The following PHLDA3 variants were observed in gnomAD, a reference collection of about 807,000 sequenced individuals.
PHLDA3 encodes the protein pleckstrin homology like domain family A member 3, also known as pleckstrin homology-like domain family A member 3.
Under a neutral mutation model 7.6 loss-of-function variants are expected in PHLDA3, and 12 were observed. The observed-to-expected ratio is 1.58, with a 90% CI of 1.01 to 2.55. PHLDA3 has a LOEUF of 2.55. Among genes scored for constraint, PHLDA3 ranks in the 30% most tolerant of loss-of-function variants. The pLI, the probability that PHLDA3 is intolerant of heterozygous loss-of-function variation, is 0.00. For missense variants in PHLDA3, 177 were observed against 175.6 expected, an observed-to-expected ratio of 1.01 and a Z score of -0.05; for synonymous variants, 104 against 85.1, an observed-to-expected ratio of 1.22 and a Z score of -1.23.
rs115541153 is a variant in PHLDA3, at chr1:201,468,609, C to A, written c.178G>T (p.Ala60Ser). 2.0e-4 allele frequency: 322 copies of A among 1,613,770 alleles called. No homozygotes were observed. The African/African-American group carries it at 3.6e-3, about 18-fold the overall frequency. Reference sequence around the variant, plus strand: ...CCGGTGCTCTCCACGCACTCCACGGCCTTGATGCGGGCGAAGCTGAGCTCC... The same window carrying A: ...CCGGTGCTCTCCACGCACTCCACGGACTTGATGCGGGCGAAGCTGAGCTCC... ...PKELSFARIK[A>S]VECVESTGRH... The change falls in exon 1 of 2, where the codon GCC becomes TCC. Residue 60 changes from alanine (A) to serine (S), a missense_variant. Coordinates refer to ENST00000367311, the MANE Select transcript of PHLDA3 (RefSeq NM_012396.5).
Position 201,468,838 on chromosome 1 carries a change from C to T in PHLDA3, c.-52G>A. The T allele has an allele frequency of 6.9e-7, 1 of 1,458,444 alleles. No homozygotes were observed. Among genetic ancestry groups the T allele is most frequent in the South Asian group, 1.4e-5 (1 of 71,794 alleles). 90.3% of individuals were successfully genotyped at this position (1,458,444 alleles called of 1,614,324 possible). On this transcript the variant is annotated 5_prime_UTR_variant, in exon 1 of 2. Transcript: ENST00000367311. ...CCAGGCTGCGGCGGGCGCGGCGCCCCTCTCGGCCCCGCAGCGCAGGATTCT... is the reference window on the plus strand; with the variant it reads ...CCAGGCTGCGGCGGGCGCGGCGCCCTTCTCGGCCCCGCAGCGCAGGATTCT...
chr1:201,468,437 C>G lies in PHLDA3; in HGVS notation c.350G>C (p.Arg117Pro). The G allele has an allele frequency of 6.2e-7, 1 of 1,614,036 alleles. No homozygotes were observed. Among genetic ancestry groups the G allele is most frequent in the Non-Finnish European group, 8.5e-7 (1 of 1,179,948 alleles). The change falls in exon 1 of 2, where the codon CGG (arginine) becomes CCG (proline). Residue 117 changes from arginine to proline, a missense_variant. Arg to Pro is a moderately radical substitution (Grantham distance 103). Transcript: ENST00000367311. ...NQQAIQTVRARQSLGTGTLVS is the reference protein window; with the variant it reads ...NQQAIQTVRAPQSLGTGTLVS Reference sequence around the variant, plus strand: ...GAGGGTCCCGGTCCCGAGGCTCTGCCGGGCCCGCACTGTCTGGATGGCCTG... The same window carrying G: ...GAGGGTCCCGGTCCCGAGGCTCTGCGGGGCCCGCACTGTCTGGATGGCCTG...
At chr1:201,466,891 C>A (rs1448999995) in intron 1 of PHLDA3, among the ~76,000 whole-genome samples, 1 of 151,180 alleles carries the variant, frequency 6.6e-6, no homozygotes, top group Non-Finnish European at 1.5e-5. Flanking sequence ...GCCTGACTGG[C>A]ACTCAGGGGC....
intron 1 of PHLDA3, among the ~76,000 whole-genome samples, chr1:201,467,091 G>A (rs892572266): frequency 1.3e-5 from 2 of 152,056 alleles, no homozygotes; most frequent in Admixed American, 1.3e-4. Flanking sequence ...TGGGCAGATT[G>A]CTTGAGCTCA....
At chr1:201,467,577 C>G (rs1261042412) in intron 1 of PHLDA3, 1 of 153,364 alleles carries the variant, frequency 6.5e-6, no homozygotes, top group Admixed American at 6.5e-5. Flanking sequence ...CACGACTGTA[C>G]TCCAGCCTGG....
Position 201,468,873 on chromosome 1 carries a change from G to A in PHLDA3, c.-87C>T. On this transcript the variant is annotated 5_prime_UTR_variant, in exon 1 of 2. Coordinates refer to ENST00000367311, the MANE Select transcript of PHLDA3 (RefSeq NM_012396.5). The stretch of plus-strand genomic sequence containing the variant: ...CGCAGCGCAGGATTCTGGCGCCCCG[G>A]GCTGGCAGGCCGTGCGCGCTGCCCA... 2.2e-6 allele frequency: 3 copies of A among 1,348,328 alleles called. No homozygotes were observed. Among genetic ancestry groups the A allele is most frequent in the Non-Finnish European group, 9.5e-7 (1 of 1,049,858 alleles). 83.5% of individuals were successfully genotyped at this position (1,348,328 alleles called of 1,614,324 possible). A position where few individuals can be genotyped will look rare whatever the true frequency, so the allele number is the denominator to read the frequency against.
Position 201,468,509 on chromosome 1 carries a change from C to T in PHLDA3, c.278G>A (p.Gly93Asp). 1 of 1,614,196 alleles carries T rather than the reference C, an allele frequency of 6.2e-7. No individual in the cohort carries two copies. The highest frequency in any genetic ancestry group is 8.5e-7 in the Non-Finnish European group (1 of 1,180,036). The change falls in exon 1 of 2, where the codon GGC (glycine) becomes GAC (aspartate). Residue 93 changes from glycine to aspartate, a missense_variant. Transcript: ENST00000367311. ...IDFRCPLEDPGWNAQITLGLV... is the reference protein window; with the variant it reads ...IDFRCPLEDPDWNAQITLGLV... ...GCCTAGGGTGATCTGGGCGTTCCAGCCGGGATCTTCCAGGGGGCAGCGGAA... is the reference window on the plus strand; with the variant it reads ...GCCTAGGGTGATCTGGGCGTTCCAGTCGGGATCTTCCAGGGGGCAGCGGAA...
chr1:201,468,773 G>C lies in PHLDA3; in HGVS notation c.14C>G (p.Ala5Gly), dbSNP rs905577582. MTAA[A>G]TATVLKEGVL... ...GCCCTCCTTGAGCACGGTAGCCGTC[G>C]CCGCCGCCGTCATGGGCGCCCCGAG... The change falls in exon 1 of 2, where the codon GCG becomes GGG. Residue 5 changes from alanine to glycine, a missense_variant. By Grantham distance (60) the Ala-to-Gly change is moderately conservative (BLOSUM62 0). Transcript: ENST00000367311. 2 of 1,559,492 alleles carry C rather than the reference G, an allele frequency of 1.3e-6. No homozygotes were observed. Among genetic ancestry groups the C allele is most frequent in the African/African-American group, 2.7e-5 (2 of 73,144 alleles).
chr1:201,468,254 G>T (rs1663722353), intron 1 of PHLDA3, 87 bp downstream of exon 1: 1 of 968,160 alleles, frequency 1.0e-6, no homozygotes, highest in Non-Finnish European at 1.5e-6. Flanking sequence ...GTCCGGCTCT[G>T]AAGTAGAATG....
In PHLDA3 at chr1:201,467,649, C is replaced by G. The variant is rs6693347; in HGVS notation, c.*62+692G>C. The stretch of plus-strand genomic sequence containing the variant: ...AACAACAACAAACCATACACACACA[C>G]ACACACACACACACACACACACACA... On this transcript the variant is annotated intron_variant, in intron 1 of 1. Coordinates refer to ENST00000367311, the MANE Select transcript of PHLDA3 (RefSeq NM_012396.5). The G allele has an allele frequency of 9.0e-3, 1,137 of 125,882 alleles. 18 individuals are homozygous for G. The highest frequency in any genetic ancestry group is 0.042 in the African/African-American group (1,066 of 25,496). The allele number at this position is 125,882 out of a possible 1,614,324, so 7.8% of individuals were successfully genotyped here. A position where few individuals can be genotyped will look rare whatever the true frequency, so the allele number is the denominator to read the frequency against.
chr1:201,466,154 C>T lies in PHLDA3; in HGVS notation c.*87G>A, dbSNP rs1156312218. 6.5e-6 allele frequency: 1 copy of T among 154,518 alleles called. No individual in the cohort carries two copies. Among genetic ancestry groups the T allele is most frequent in the Admixed American group, 6.5e-5 (1 of 15,290 alleles). The allele number at this position is 154,518 out of a possible 1,614,324, so 9.6% of individuals were successfully genotyped here. ...TGCCACATGGAGCACAGCCGTGCCC[C>T]CACAAGCCAGAGGGAACAACGAAGC... On this transcript the variant is annotated 3_prime_UTR_variant, in exon 2 of 2. Transcript: ENST00000367311.
rs201117567 is a variant in PHLDA3 at position 201,468,412 on chromosome 1, G to T, written c.375C>A (p.Leu125=). The stretch of plus-strand genomic sequence containing the variant: ...TGGTGCGCCCGGTGGTTTAGGACAC[G>T]AGGGTCCCGGTCCCGAGGCTCTGCC... ...RARQSLGTGT[L]VS The change falls in exon 1 of 2, where the codon CTC becomes CTA. Residue 125 remains leucine, a synonymous_variant. Transcript: ENST00000367311. 2.5e-6 allele frequency: 4 copies of T among 1,613,904 alleles called. No individual in the cohort carries two copies. The highest frequency in any genetic ancestry group is 3.4e-6 in the Non-Finnish European group (4 of 1,179,926).
At position 201,468,754 on chromosome 1, in the gene PHLDA3, CTT is replaced by C; in HGVS notation, c.31_32del (p.Lys11GlyfsTer215). The C allele has an allele frequency of 1.3e-6, 2 of 1,586,430 alleles. No homozygotes were observed. Among genetic ancestry groups the C allele is most frequent in the South Asian group, 2.2e-5 (2 of 89,410 alleles). On this transcript the variant is annotated frameshift_variant, in exon 1 of 2. Transcript: ENST00000367311. LOFTEE classifies it high-confidence loss of function. The part of the protein sequence containing the change: MTAAATATVL[K>X]EGVLEKRSGG... ...CGCTGCGCTTCTCCAGCACGCCCTC[CTT>C]GAGCACGGTAGCCGTCGCCGCCGCC... is the stretch of plus-strand genomic sequence containing the variant.
rs1446418677 is a variant in PHLDA3 at position 201,465,588 on chromosome 1, A to T, written c.*653T>A. On this transcript the variant is annotated 3_prime_UTR_variant, in exon 2 of 2. Transcript: ENST00000367311. ...CCTCACCCCCACCACCTTCAGGCCGAACACCGCAGTGGGGGGAAGATGCGT... is the reference window on the plus strand; with the variant it reads ...CCTCACCCCCACCACCTTCAGGCCGTACACCGCAGTGGGGGGAAGATGCGT... The T allele has an allele frequency of 6.4e-6, 1 of 155,064 alleles. No individual in the cohort carries two copies. Among genetic ancestry groups the T allele is most frequent in the African/African-American group, 2.4e-5 (1 of 41,536 alleles). 9.6% of individuals were successfully genotyped at this position (155,064 alleles called of 1,614,324 possible).
At chr1:201,466,397 T>C (rs1663667005) in intron 1 of PHLDA3, 1 of 152,142 alleles carries the variant, frequency 6.6e-6, no homozygotes, top group Non-Finnish European at 1.5e-5. Flanking sequence ...GTCTGCCTTA[T>C]ACCCCACTTC....
chr1:201,467,689 G>A (rs1663703320), intron 1 of PHLDA3: 1 of 144,870 alleles, frequency 6.9e-6, no homozygotes, highest in Non-Finnish European at 1.5e-5. Context: ...CACATATGTA[G>A]AGGAGGAGCT....
intron 1 of PHLDA3, chr1:201,467,639 TACACACAC>T (rs56225084): frequency 0.054 from 7,571 of 139,696 alleles, 194 homozygotes; most frequent in Middle Eastern, 0.072. Flanking sequence ...CAACAAACCA[TACACACAC>T]ACACACACAC....
Position 201,465,002 on chromosome 1 carries a change from G to A in PHLDA3, c.*1239C>T, listed in dbSNP as rs1485126922. On this transcript the variant is annotated 3_prime_UTR_variant, in exon 2 of 2. Coordinates refer to ENST00000367311, the MANE Select transcript of PHLDA3 (RefSeq NM_012396.5). ...CTAATTTTTGTTTTTAGTAGAGACA[G>A]GGTTTCACCAAGTTGGCCAGGCTGG... 6.6e-6 allele frequency: 1 copy of A among 152,136 alleles called. No homozygotes were observed. The highest frequency in any genetic ancestry group is 2.4e-5 in the African/African-American group (1 of 41,404). The allele number at this position is 152,136 out of a possible 1,614,324, so 9.4% of individuals were successfully genotyped here. A position where few individuals can be genotyped will look rare whatever the true frequency, so the allele number is the denominator to read the frequency against.
Position 201,468,771 on chromosome 1 carries a change from TCGCCGCCGCCGTCATGGGCGCCCCGAGG to T in PHLDA3, c.-13_15del, listed in dbSNP as rs774122827. Reference sequence around the variant, plus strand: ...ACGCCCTCCTTGAGCACGGTAGCCGTCGCCGCCGCCGTCATGGGCGCCCCGAGGTTCGCGGAAAGCTCCAGGCTGCGGC... The same window carrying T: ...ACGCCCTCCTTGAGCACGGTAGCCGTTTCGCGGAAAGCTCCAGGCTGCGGC... On this transcript the variant is annotated start_lost and 5_prime_UTR_variant, in exon 1 of 2. Transcript: ENST00000367311. 6.4e-7 allele frequency: 1 copy of T among 1,562,660 alleles called. No homozygotes were observed. The highest frequency in any genetic ancestry group is 8.6e-7 in the Non-Finnish European group (1 of 1,162,206).
Sources: gnomAD v4.1 joint callset for allele counts (sites outside exome capture counted in the v4.1 genomes callset) on GRCh38, gnomAD v4.1.1 for gene constraint, MANE v1.5 for transcripts, NCBI Gene and HGNC (gene_info 2026-07-23, HGNC 2026-07-21) for gene names.